Variants in LGR5 observed in about 807,000 individuals in gnomAD.
LGR5 encodes leucine-rich repeat-containing G protein-coupled receptor 5.
LGR5 carries 54 observed loss-of-function variants against 76.7 expected under a neutral mutation model. That is an observed-to-expected ratio of 0.70 (90% confidence interval 0.57 to 0.88). The LOEUF is 0.88. Ranked by LOEUF, LGR5 falls within the 40% of genes least tolerant of loss-of-function variation. LGR5 has a pLI of 0.00. For missense variants in LGR5, 1,078 were observed against 1,073.3 expected (o/e 1.00, Z -0.06); for synonymous variants, 406 against 421.9 (o/e 0.96, Z 0.46).
At chr12:71,477,751 A>G (rs1873404758) in intron 1 of LGR5, among the ~76,000 whole-genome samples, 1 of 152,154 alleles carries the variant, frequency 6.6e-6, no homozygotes, top group Non-Finnish European at 1.5e-5. Context: ...AAGTAGCACT[A>G]ACACAGCCAC....
intron 13 of LGR5, among the ~76,000 whole-genome samples, chr12:71,575,023 T>A (rs1878787446): frequency 6.6e-6 from 1 of 152,160 alleles, no homozygotes; most frequent in Non-Finnish European, 1.5e-5. Flanking sequence ...AATTTAAACA[T>A]GTTCTGAGCA....
At chr12:71,470,540 A>G (rs1873052155) in intron 1 of LGR5, among the ~76,000 whole-genome samples, 1 of 151,852 alleles carries the variant, frequency 6.6e-6, no homozygotes, top group African/African-American at 2.4e-5. Flanking sequence ...ATACACACAT[A>G]TATGTCTTTA....
Position 71,541,086 on chromosome 12 carries a change from A to G in LGR5, c.428+5900A>G, listed in dbSNP as rs186821260. On this transcript the variant is annotated intron_variant, in intron 4 of 17. Coordinates refer to ENST00000266674, the MANE Select transcript of LGR5 (RefSeq NM_003667.4). ...TATTGCACAGTGAAGCGTTCACTTCACGGAACCATATGCAGATCAGCACCC... is the reference window on the plus strand; with the variant it reads ...TATTGCACAGTGAAGCGTTCACTTCGCGGAACCATATGCAGATCAGCACCC... Among the ~76,000 whole-genome samples the G allele has an allele frequency of 1.9e-4, 29 of 152,328 alleles. No individual in the cohort carries two copies. In the East Asian group the frequency reaches 5.2e-3, roughly 27 times the overall value.
At chr12:71,538,719 C>T (rs982461535) in intron 4 of LGR5, among the ~76,000 whole-genome samples, 93 of 151,072 alleles carry the variant, frequency 6.2e-4, no homozygotes, top group African/African-American at 1.9e-3. Context: ...ATTGGCTGGG[C>T]GTCATGTGCA....
rs147161623 is a variant in LGR5 at position 71,584,374 on chromosome 12, C to T, written c.2364C>T (p.Ser788=). 111 of 1,614,060 alleles carry T rather than the reference C, an allele frequency of 6.9e-5. No individual in the cohort carries two copies. Among genetic ancestry groups the T allele is most frequent in the Non-Finnish European group, 1.1e-5 (13 of 1,180,028 alleles). Residue 788 remains serine, a synonymous_variant, in exon 18 of 18, where the codon TCC becomes TCT. Coordinates refer to ENST00000266674, the MANE Select transcript of LGR5 (RefSeq NM_003667.4). Reference sequence around the variant, plus strand: ...GCCCTGTGGCTTTCTTGTCCTTCTCCTCTTTAATAAACCTTACATTTATCA... The same window carrying T: ...GCCCTGTGGCTTTCTTGTCCTTCTCTTCTTTAATAAACCTTACATTTATCA... ...LNCPVAFLSF[S]SLINLTFISP...
At chr12:71,482,728 T>A (rs1198694821) in intron 1 of LGR5, among the ~76,000 whole-genome samples, 2 of 152,120 alleles carry the variant, frequency 1.3e-5, no homozygotes, top group African/African-American at 2.4e-5. Flanking sequence ...ACAGCCCCCA[T>A]AACAAAGAGC....
intron 1 of LGR5, among the ~76,000 whole-genome samples, chr12:71,483,331 G>A (rs547850152): frequency 2.0e-5 from 3 of 152,062 alleles, no homozygotes; most frequent in Non-Finnish European, 4.4e-5. Flanking sequence ...AGATCCAAAG[G>A]CTAGGTAGAA....
intron 5 of LGR5, 149 bp downstream of exon 5, chr12:71,553,437 C>T (rs1415392633): frequency 3.1e-6 from 2 of 650,022 alleles, no homozygotes; most frequent in East Asian, 2.7e-5. Context: ...CTTATAAATG[C>T]TCCAATTGTG....
intron 11 of LGR5, among the ~76,000 whole-genome samples, chr12:71,568,664 A>G (rs1444833808): frequency 6.6e-6 from 1 of 152,224 alleles, no homozygotes; most frequent in Non-Finnish European, 1.5e-5. Context: ...AAAGATACCA[A>G]TGCTTAGCTA....
chr12:71,494,415 T>C (rs1359740295), intron 1 of LGR5, among the ~76,000 whole-genome samples: 2 of 151,050 alleles, frequency 1.3e-5, no homozygotes, highest in Non-Finnish European at 2.9e-5. Flanking sequence ...AGAGGCAATT[T>C]TGGATCAGCT....
At chr12:71,561,529 G>C (rs1162314578) in intron 7 of LGR5, among the ~76,000 whole-genome samples, 1 of 152,112 alleles carries the variant, frequency 6.6e-6, no homozygotes, top group African/African-American at 2.4e-5. Context: ...TATAACATTA[G>C]ATTGTAAGTT....
At chr12:71,484,433 C>T (rs1395539131) in intron 1 of LGR5, among the ~76,000 whole-genome samples, 1 of 152,196 alleles carries the variant, frequency 6.6e-6, no homozygotes, top group Non-Finnish European at 1.5e-5. Flanking sequence ...TGTTTTCCCA[C>T]ATTATTGCCA....
chr12:71,467,786 A>G (rs1460431335), intron 1 of LGR5, among the ~76,000 whole-genome samples: 1 of 152,176 alleles, frequency 6.6e-6, no homozygotes, highest in African/African-American at 2.4e-5. Context: ...TGTCATTTCC[A>G]TAGGAATGCT....
At chr12:71,511,325 T>G (rs1487058959) in intron 2 of LGR5, among the ~76,000 whole-genome samples, 2 of 152,094 alleles carry the variant, frequency 1.3e-5, no homozygotes, top group African/African-American at 4.8e-5. Flanking sequence ...TTATCTAAAC[T>G]TGTTCTTTAT....
At chr12:71,446,503 G>A (rs900492958) in intron 1 of LGR5, among the ~76,000 whole-genome samples, 10 of 152,150 alleles carry the variant, frequency 6.6e-5, no homozygotes, top group Non-Finnish European at 1.0e-4. Flanking sequence ...AACTTGTGAC[G>A]TTAGGAATGA....
At chr12:71,575,884 T>A (rs1184776437) in intron 13 of LGR5, among the ~76,000 whole-genome samples, 1 of 152,128 alleles carries the variant, frequency 6.6e-6, no homozygotes. Context: ...GTGGTATATA[T>A]ACACCATGGA....
At chr12:71,530,620 T>C (rs1001285515) in intron 3 of LGR5, among the ~76,000 whole-genome samples, 1 of 152,126 alleles carries the variant, frequency 6.6e-6, no homozygotes, top group Non-Finnish European at 1.5e-5. Flanking sequence ...ATAAAAAAAA[T>C]AAGTAATTGG....
At chr12:71,572,239 T>A (rs985715646) in intron 12 of LGR5, among the ~76,000 whole-genome samples, 1 of 152,086 alleles carries the variant, frequency 6.6e-6, no homozygotes, top group Non-Finnish European at 1.5e-5. Context: ...CCCATCACCA[T>A]GCCTGGCTAA....
chr12:71,524,173 A>G (rs1162770126), intron 2 of LGR5, among the ~76,000 whole-genome samples: 2 of 152,240 alleles, frequency 1.3e-5, no homozygotes. Context: ...ATAAGCTATT[A>G]AATTGTTTAT....
Sources: allele counts gnomAD v4.1 joint callset (sites outside exome capture counted in the v4.1 genomes callset), GRCh38; gene constraint gnomAD v4.1.1; transcripts MANE v1.5; gene names NCBI Gene and HGNC (gene_info 2026-07-23, HGNC 2026-07-21).